ATM: variants seen among roughly 807,000 people sequenced by gnomAD.
ATM encodes the protein ATM serine/threonine kinase, also known as serine-protein kinase ATM.
ATM carries 308 observed loss-of-function variants against 387.0 expected under a neutral mutation model. That is an observed-to-expected ratio of 0.80 (90% CI 0.73 to 0.87). The LOEUF is 0.87. Among genes scored for constraint, ATM ranks in the 40% least tolerant of loss-of-function variants. ATM has a pLI of 0.00. For synonymous variants in ATM, 1,156 were observed against 1,187.3 expected, an observed-to-expected ratio of 0.97 and a Z score of 0.54; for missense variants, 3,312 against 3,560.9, an observed-to-expected ratio of 0.93 and a Z score of 1.78.
intron 61 of ATM, chr11:108,355,697 C>G (rs938246407): frequency 6.6e-6 from 1 of 152,212 alleles, no homozygotes; most frequent in Admixed American, 6.5e-5. Flanking sequence ...AACATTGATG[C>G]TGATCAAATT....
chr11:108,329,802 T>C (rs1156421203), intron 49 of ATM, among the ~76,000 whole-genome samples: 1 of 152,250 alleles, frequency 6.6e-6, no homozygotes, highest in Non-Finnish European at 1.5e-5. Context: ...TCTAAGTTCA[T>C]TGTGGAGAAT....
Position 108,321,338 on chromosome 11 carries a change from G to T in ATM, c.6490G>T (p.Glu2164Ter), listed in dbSNP as rs1317619286. 2.5e-6 allele frequency: 4 copies of T among 1,614,152 alleles called. No homozygotes were observed. The highest frequency in any genetic ancestry group is 3.4e-6 in the Non-Finnish European group (4 of 1,179,992). The change falls in exon 45 of 63, where the codon GAG (glutamate) becomes TAG (stop). Residue 2164 changes from glutamate to a stop codon, truncating the protein, a stop_gained. Coordinates refer to ENST00000675843, the MANE Select transcript of ATM (RefSeq NM_000051.4). LOFTEE classifies it high-confidence loss of function. Reference sequence around the variant, plus strand: ...GGAAGAGATGTGTAAGCGCAGCCTTGAGTCTGTGTATTCGCTCTATCCCAC... The same window carrying T: ...GGAAGAGATGTGTAAGCGCAGCCTTTAGTCTGTGTATTCGCTCTATCCCAC... ...EVEEMCKRSL[E>*]SVYSLYPTLS... is the part of the protein sequence containing the mutation.
At chr11:108,258,932 G>T in intron 15 of ATM, 54 bp from the exon 16 acceptor site, 1 of 1,437,150 alleles carries the variant, frequency 7.0e-7, no homozygotes, top group South Asian at 1.2e-5. Flanking sequence ...TGTCTGCCAA[G>T]AATAATTGTT....
chr11:108,301,945 T>A (rs2083454636), intron 35 of ATM, among the ~76,000 whole-genome samples, 156 bp downstream of exon 35: 1 of 152,160 alleles, frequency 6.6e-6, no homozygotes. Context: ...ATCCAGGGAA[T>A]GTGTTATTTT....
At chr11:108,300,946 G>C (rs1451586908) in intron 34 of ATM, among the ~76,000 whole-genome samples, 1 of 137,902 alleles carries the variant, frequency 7.3e-6, no homozygotes, top group South Asian at 2.4e-4. Flanking sequence ...GCAGTGGCAT[G>C]ATAATACATC....
chr11:108,347,333 A>G lies in ATM; in HGVS notation c.8639A>G (p.Glu2880Gly). 1 of 1,610,472 alleles carries G rather than the reference A, an allele frequency of 6.2e-7. No individual in the cohort carries two copies. Reference protein sequence around the residue: ...DRHVQNILINEQSAELVHIDL... With the variant: ...DRHVQNILINGQSAELVHIDL... ...CATGTACAGAATATCTTGATAAATG[A>G]GCAGTCAGCAGAACTTGTACATATA... The change falls in exon 59 of 63, where the codon GAG becomes GGG. Residue 2880 changes from glutamate (E) to glycine (G), a missense_variant. By Grantham distance (98) the Glu-to-Gly change is moderately conservative. Around this residue, in one of 4 missense-constraint regions of ATM, gnomAD observed 1,405 missense variants for 1,604.4 expected, o/e 0.88. Coordinates refer to ENST00000675843, the MANE Select transcript of ATM (RefSeq NM_000051.4).
chr11:108,225,598 C>T (rs1231506493), intron 1 of ATM: 1 of 152,154 alleles, frequency 6.6e-6, no homozygotes, highest in Non-Finnish European at 1.5e-5. Flanking sequence ...CTCAGTCTCC[C>T]CAGTAGCTAG....
chr11:108,288,362 G>A (rs946317964), intron 27 of ATM, among the ~76,000 whole-genome samples: 2 of 152,016 alleles, frequency 1.3e-5, no homozygotes, highest in African/African-American at 2.4e-5. Flanking sequence ...GGCATGAGCC[G>A]CCGTACCCAG....
intron 59 of ATM, among the ~76,000 whole-genome samples, chr11:108,350,631 A>G (rs1185002453): frequency 1.3e-5 from 2 of 152,226 alleles, no homozygotes; most frequent in African/African-American, 4.8e-5. Flanking sequence ...CCATGCCAAC[A>G]TTCAGCGAAT....
In ATM at chr11:108,336,256, A is replaced by T. The variant is rs989183758; in HGVS notation, c.8268+295A>T. ...GGAGTTTGAGGCTGCAGTGAGCTCA[A>T]ACTCTGCAGTGAGCCCCAGTCCAGC... On this transcript the variant is annotated intron_variant, in intron 56 of 62. Coordinates refer to ENST00000675843, the MANE Select transcript of ATM (RefSeq NM_000051.4). 8.8e-6 allele frequency: 3 copies of T among 339,746 alleles called. No individual in the cohort carries two copies. The Admixed American group carries it at 1.4e-4, about 16-fold the overall frequency. 21.0% of individuals were successfully genotyped at this position (339,746 alleles called of 1,614,324 possible). A position where few individuals can be genotyped will look rare whatever the true frequency, so the allele number is the denominator to read the frequency against.
chr11:108,365,577 GC>G lies in ATM; in HGVS notation c.*71del. The G allele has an allele frequency of 6.6e-7, 1 of 1,522,912 alleles. No individual in the cohort carries two copies. The highest frequency in any genetic ancestry group is 8.9e-7 in the Non-Finnish European group (1 of 1,118,848). The allele number at this position is 1,522,912 out of a possible 1,614,324, so 94.3% of individuals were successfully genotyped here. A position where few individuals can be genotyped will look rare whatever the true frequency, so the allele number is the denominator to read the frequency against. On this transcript the variant is annotated 3_prime_UTR_variant, in exon 63 of 63. Coordinates refer to ENST00000675843, the MANE Select transcript of ATM (RefSeq NM_000051.4). ...ATATTTTAGCCTTTATTTTTAACCT[GC>G]CAACATACTTTAAGTAGGGATTAAT...
chr11:108,279,710 G>T (rs979104789), intron 23 of ATM, 102 bp downstream of exon 23: 5 of 934,806 alleles, frequency 5.3e-6, no homozygotes, highest in Non-Finnish European at 8.7e-6. Flanking sequence ...TAATCCAGTA[G>T]TTTACAGTAT....
At position 108,281,059 on chromosome 11, in the gene ATM, C is replaced by T. The variant is rs759951393; in HGVS notation, c.3467C>T (p.Thr1156Met). Residue 1156 changes from threonine to methionine, a missense_variant, in exon 24 of 63, where the codon ACG becomes ATG. Thr to Met is a moderately conservative substitution (Grantham distance 81). This residue lies in a region of ATM where 1,791 missense variants were observed against 1,804.5 expected (regional missense o/e 0.99). Coordinates refer to ENST00000675843, the MANE Select transcript of ATM (RefSeq NM_000051.4). ...TATAATAGAAAATCTGTTTTACTGA[C>T]GTTGATAGCTGTGGTTTTATCCTGT... ...EIYNRKSVLL[T>M]LIAVVLSCSP... The T allele has an allele frequency of 4.0e-5, 64 of 1,613,390 alleles. No individual in the cohort carries two copies. Among genetic ancestry groups the T allele is most frequent in the Non-Finnish European group, 5.0e-5 (59 of 1,179,744 alleles).
chr11:108,257,654 CT>C (rs2080591493), intron 15 of ATM, 48 bp downstream of exon 15: 1 of 1,581,174 alleles, frequency 6.3e-7, no homozygotes, highest in Admixed American at 1.7e-5. Context: ...GGATCTTTCT[CT>C]GTCACCCAGG....
At position 108,280,998 on chromosome 11, in the gene ATM, C is replaced by G. The variant is rs2082202374; in HGVS notation, c.3406C>G (p.His1136Asp). 6.2e-7 allele frequency: 1 copy of G among 1,608,280 alleles called. No individual in the cohort carries two copies. Among genetic ancestry groups the G allele is most frequent in the Non-Finnish European group, 8.5e-7 (1 of 1,175,800 alleles). The part of the protein sequence containing the change: ...KAQEGMREMS[H>D]SAENPETLDE... ...TTTTTTTTAATTTCTTTTTAAGTCC[C>G]ATAGTGCTGAGAACCCTGAAACTTT... is the stretch of plus-strand genomic sequence containing the variant. The change falls in exon 24 of 63, where the codon CAT becomes GAT. Residue 1136 changes from histidine (H) to aspartate (D), a missense_variant. Transcript: ENST00000675843.
chr11:108,263,430 A>T (rs2081032085), intron 16 of ATM, among the ~76,000 whole-genome samples: 1 of 143,938 alleles, frequency 6.9e-6, no homozygotes, highest in African/African-American at 2.6e-5. Context: ...ATGTTCTTTG[A>T]AACCACCGAG....
At chr11:108,268,336 A>C in intron 17 of ATM, 74 bp from the exon 18 acceptor site, 1 of 1,387,650 alleles carries the variant, frequency 7.2e-7, no homozygotes, top group Non-Finnish European at 1.0e-6. Context: ...GAAGAGGAGG[A>C]AATTTGAGTT....
Position 108,331,974 on chromosome 11 carries a change from A to G in ATM, c.7725A>G (p.Pro2575=), listed in dbSNP as rs876658509. The stretch of plus-strand genomic sequence containing the variant: ...ACAGAGATGAATTTCTGACTAAACC[A>G]GAGGTAGCCAGAAGAAGCAGAATAA... ...NANRDEFLTK[P]EVARRSRITK... is the part of the protein sequence containing the mutation. Residue 2575 remains proline, a synonymous_variant, in exon 52 of 63, where the codon CCA becomes CCG. Transcript: ENST00000675843. The G allele has an allele frequency of 6.2e-7, 1 of 1,614,104 alleles. No individual in the cohort carries two copies. Among genetic ancestry groups the G allele is most frequent in the Non-Finnish European group, 8.5e-7 (1 of 1,179,966 alleles).
At chr11:108,236,052 A>C in intron 5 of ATM, 4 of 572,800 alleles carry the variant, frequency 7.0e-6, no homozygotes, top group South Asian at 4.0e-5. Context: ...CTGATATCAG[A>C]GCCGGAATTA....
Sources: gnomAD v4.1 joint callset for allele counts (sites outside exome capture counted in the v4.1 genomes callset) on GRCh38, gnomAD v4.1.1 for gene constraint, gnomAD v4.1.1 regional missense constraint, MANE v1.5 for transcripts, NCBI Gene and HGNC (gene_info 2026-07-23, HGNC 2026-07-21) for gene names.